RC3H1: variants seen among roughly 807,000 people sequenced by gnomAD.
RC3H1 encodes the protein ring finger and CCCH-type domains 1, also known as roquin-1.
Under a neutral mutation model 138.2 loss-of-function variants are expected in RC3H1, and 50 were observed. The observed-to-expected ratio is 0.36, with a 90% CI of 0.29 to 0.46. RC3H1 has a LOEUF of 0.46. RC3H1 is among the 20% of genes least tolerant of loss of function. The pLI is 1.00. For missense variants in RC3H1, 1,031 were observed against 1,388.1 expected (o/e 0.74, Z 4.09); for synonymous variants, 462 against 489.1 (o/e 0.94, Z 0.73).
At position 173,970,525 on chromosome 1, in the gene RC3H1, G is replaced by A. The variant is rs1457943149; in HGVS notation, c.1314C>T (p.His438=). 7 of 1,612,764 alleles carry A rather than the reference G, an allele frequency of 4.3e-6. No homozygotes were observed. The highest frequency in any genetic ancestry group is 5.9e-6 in the Non-Finnish European group (7 of 1,178,890). ...CTTACTTTTCCAGTTCCTCCTGTGA[G>A]TGTGCAAATGTACAGCTGGCCCCAC... ...CPRGASCTFA[H]SQEELEKFRK... is the part of the protein sequence containing the mutation. The change falls in exon 9 of 20, where the codon CAC becomes CAT. Residue 438 remains histidine, a synonymous_variant. Coordinates refer to ENST00000367696, the MANE Select transcript of RC3H1 (RefSeq NM_172071.4).
intron 1 of RC3H1, among the ~76,000 whole-genome samples, chr1:174,012,742 C>G (rs752369812): frequency 6.7e-6 from 1 of 149,480 alleles, no homozygotes; most frequent in South Asian, 2.1e-4. Flanking sequence ...CAAGATCACG[C>G]GACTGCACTC....
chr1:173,964,424 G>C (rs1336405258), intron 10 of RC3H1, among the ~76,000 whole-genome samples: 1 of 152,090 alleles, frequency 6.6e-6, no homozygotes, highest in Non-Finnish European at 1.5e-5. Context: ...CTGGAGTGCA[G>C]TGGTGCAATC....
intron 13 of RC3H1, among the ~76,000 whole-genome samples, chr1:173,952,479 T>C (rs1357938083): frequency 2.6e-5 from 4 of 151,506 alleles, no homozygotes; most frequent in Non-Finnish European, 2.9e-5. Context: ...TGCTCATCCT[T>C]TTCTTCATTA....
chr1:173,995,362 C>A (rs1324738093), intron 1 of RC3H1, among the ~76,000 whole-genome samples: 1 of 151,336 alleles, frequency 6.6e-6, no homozygotes, highest in Non-Finnish European at 1.5e-5. Context: ...GGAGAAACCC[C>A]GTCTCTACTA....
At chr1:174,011,404 G>A (rs1455243940) in intron 1 of RC3H1, among the ~76,000 whole-genome samples, 1 of 151,648 alleles carries the variant, frequency 6.6e-6, no homozygotes, top group Non-Finnish European at 1.5e-5. Flanking sequence ...TATCAATGGG[G>A]TAATTAATGT....
intron 13 of RC3H1, among the ~76,000 whole-genome samples, chr1:173,959,744 C>T (rs186347585): frequency 2.2e-4 from 33 of 151,904 alleles, no homozygotes; most frequent in African/African-American, 7.7e-4. Flanking sequence ...GCACTCCAGC[C>T]TGGCGAAAGA....
intron 2 of RC3H1, 115 bp from the exon 3 acceptor site, chr1:173,984,734 T>C: frequency 9.8e-7 from 1 of 1,020,560 alleles, no homozygotes; most frequent in Non-Finnish European, 1.4e-6. Context: ...CCACTAAATT[T>C]ACTGAATTCT....
chr1:174,008,602 T>A (rs1325510433), intron 1 of RC3H1, among the ~76,000 whole-genome samples: 2 of 152,214 alleles, frequency 1.3e-5, no homozygotes, highest in Non-Finnish European at 2.9e-5. Flanking sequence ...CAGAATCCTA[T>A]AGCCACAATG....
rs971656977 is a variant in RC3H1, at chr1:174,022,225, G to A, written c.-280C>T. The A allele has an allele frequency of 1.0e-5, 4 of 393,140 alleles. No individual in the cohort carries two copies. Among genetic ancestry groups the A allele is most frequent in the Admixed American group, 4.5e-5 (1 of 22,464 alleles). The allele number at this position is 393,140 out of a possible 1,614,324, so 24.4% of individuals were successfully genotyped here. A position where few individuals can be genotyped will look rare whatever the true frequency, so the allele number is the denominator to read the frequency against. On this transcript the variant is annotated 5_prime_UTR_variant, in exon 1 of 20. Coordinates refer to ENST00000367696, the MANE Select transcript of RC3H1 (RefSeq NM_172071.4). This position sits in a 1 kb window ranked among gnomAD's most constrained non-coding sequence, Gnocchi z 4.2. ...TGTCCCAGGCCGCCGGGCCACGGCT[G>A]CCGCCGCCACCGCCAGCACCGCCTC...
chr1:173,984,405 T>G, intron 3 of RC3H1, 94 bp downstream of exon 3: 1 of 1,211,212 alleles, frequency 8.3e-7, no homozygotes, highest in Non-Finnish European at 1.1e-6. Flanking sequence ...CTAGTTAGGT[T>G]TTTTGGGAAT....
Position 173,934,352 on chromosome 1 carries a change from C to G in RC3H1, c.*4369G>C, listed in dbSNP as rs925363985. 1 of 152,108 alleles carries G rather than the reference C, an allele frequency of 6.6e-6. No homozygotes were observed. The highest frequency in any genetic ancestry group is 2.4e-5 in the African/African-American group (1 of 41,408). 9.4% of individuals were successfully genotyped at this position (152,108 alleles called of 1,614,324 possible). On this transcript the variant is annotated 3_prime_UTR_variant, in exon 20 of 20. Coordinates refer to ENST00000367696, the MANE Select transcript of RC3H1 (RefSeq NM_172071.4). The stretch of plus-strand genomic sequence containing the variant: ...CAGTGATAGCAGAAGCTGGGGTGGG[C>G]ACAAATGCTTATACACAATATTACA...
At chr1:174,003,420 CGT>C (rs919258988) in intron 1 of RC3H1, among the ~76,000 whole-genome samples, 5 of 150,668 alleles carry the variant, frequency 3.3e-5, no homozygotes, top group African/African-American at 1.2e-4. Flanking sequence ...CACACACACA[CGT>C]ACGGGGAATC....
intron 9 of RC3H1, among the ~76,000 whole-genome samples, chr1:173,965,554 G>C (rs1317976825): frequency 6.6e-6 from 1 of 151,994 alleles, no homozygotes; most frequent in South Asian, 2.1e-4. Context: ...TCACACCACT[G>C]AACTCCAGCC....
chr1:173,950,638 T>C (rs1659353799), intron 14 of RC3H1, among the ~76,000 whole-genome samples: 1 of 151,968 alleles, frequency 6.6e-6, no homozygotes, highest in African/African-American at 2.4e-5. Context: ...TAGAGATTAC[T>C]TAGAGGGAAT....
intron 17 of RC3H1, among the ~76,000 whole-genome samples, chr1:173,943,850 T>C (rs755232406): frequency 9.9e-5 from 15 of 152,154 alleles, no homozygotes; most frequent in Non-Finnish European, 1.6e-4. Flanking sequence ...AATTGCTCCT[T>C]GTATTTTCTG....
chr1:173,966,693 C>T (rs570821696), intron 9 of RC3H1, among the ~76,000 whole-genome samples: 3 of 149,970 alleles, frequency 2.0e-5, no homozygotes, highest in East Asian at 2.0e-4. Flanking sequence ...CCAGCCTGGG[C>T]GACAGAGCGA....
intron 7 of RC3H1, among the ~76,000 whole-genome samples, chr1:173,977,339 A>G (rs1021677032): frequency 2.6e-5 from 4 of 152,192 alleles, no homozygotes; most frequent in Non-Finnish European, 2.9e-5. Context: ...AATTAATTAT[A>G]AGCAGGGGAT....
At chr1:173,982,635 C>A in intron 5 of RC3H1, 92 bp downstream of exon 5, 1 of 1,130,468 alleles carries the variant, frequency 8.8e-7, no homozygotes. Flanking sequence ...TGAAAAGATA[C>A]AGGCAACTTT....
intron 9 of RC3H1, among the ~76,000 whole-genome samples, chr1:173,966,613 G>A (rs1462981520): frequency 1.3e-5 from 2 of 151,968 alleles, no homozygotes; most frequent in African/African-American, 2.4e-5. Flanking sequence ...TACTCAGGAG[G>A]CTGAGACAGG....
Sources: gnomAD v4.1 joint callset for allele counts (sites outside exome capture counted in the v4.1 genomes callset) on GRCh38, gnomAD v4.1.1 for gene constraint, Gnocchi (gnomAD v3.1) non-coding constraint, MANE v1.5 for transcripts, NCBI Gene and HGNC (gene_info 2026-07-23, HGNC 2026-07-21) for gene names.